The following IPO11 variants were observed in gnomAD, a reference collection of about 807,000 sequenced individuals.
IPO11 encodes the protein importin 11.
IPO11 carries 66 observed loss-of-function variants against 143.2 expected under a neutral mutation model. That is an observed-to-expected ratio of 0.46 (90% CI 0.38 to 0.57). The LOEUF (loss-of-function observed/expected upper bound fraction) is 0.57, where lower values mean the gene tolerates loss of function less well. Ranked by LOEUF, IPO11 falls within the 20% of genes least tolerant of loss-of-function variation. The pLI, the probability that IPO11 is intolerant of heterozygous loss-of-function variation, is 0.00. For synonymous variants in IPO11, 385 were observed against 377.8 expected, an observed-to-expected ratio of 1.02 and a Z score of -0.22; for missense variants, 1,026 against 1,141.0, an observed-to-expected ratio of 0.90 and a Z score of 1.45.
At chr5:62,511,025 C>T (rs1460293391) in intron 19 of IPO11, among the ~76,000 whole-genome samples, 6 of 152,088 alleles carry the variant, frequency 3.9e-5, no homozygotes, top group East Asian at 3.8e-4. Context: ...TGAACCACTG[C>T]GCCTGGCCTC....
chr5:62,546,238 C>G (rs559226255), intron 24 of IPO11, among the ~76,000 whole-genome samples: 137 of 152,202 alleles, frequency 9.0e-4, no homozygotes, highest in Non-Finnish European at 1.6e-3. Context: ...GAAAATGTGG[C>G]ACATATACAC....
chr5:62,501,743 T>C (rs1741354244), intron 16 of IPO11, among the ~76,000 whole-genome samples: 1 of 152,162 alleles, frequency 6.6e-6, no homozygotes, highest in Non-Finnish European at 1.5e-5. Context: ...TCTTAGAAAA[T>C]GCTTATTGAA....
At chr5:62,611,891 C>T (rs935811489) in intron 29 of IPO11, among the ~76,000 whole-genome samples, 8 of 151,980 alleles carry the variant, frequency 5.3e-5, no homozygotes, top group African/African-American at 1.9e-4. Flanking sequence ...ATATAAGGGA[C>T]TTGTCTTTCA....
intron 19 of IPO11, among the ~76,000 whole-genome samples, chr5:62,513,036 G>C (rs1327160199): frequency 1.3e-5 from 2 of 149,884 alleles, no homozygotes; most frequent in Non-Finnish European, 3.0e-5. Flanking sequence ...TCCCCACCTT[G>C]CCCCCTTTTC....
At chr5:62,545,750 T>G (rs1743149117) in intron 24 of IPO11, among the ~76,000 whole-genome samples, 1 of 151,790 alleles carries the variant, frequency 6.6e-6, no homozygotes, top group African/African-American at 2.4e-5. Context: ...CAAACAAATT[T>G]ACAAGAAAAA....
intron 27 of IPO11, among the ~76,000 whole-genome samples, chr5:62,565,043 G>A (rs1296706849): frequency 2.0e-5 from 3 of 152,100 alleles, no homozygotes; most frequent in Non-Finnish European, 4.4e-5. Context: ...CTACATAGAT[G>A]GAATTAGCTG....
At chr5:62,522,911 T>C (rs182229981) in intron 20 of IPO11, among the ~76,000 whole-genome samples, 4 of 152,342 alleles carry the variant, frequency 2.6e-5, no homozygotes, top group Admixed American at 1.3e-4. Flanking sequence ...AGTCCTCTTA[T>C]TATTAATACT....
In IPO11 at chr5:62,580,790, A is replaced by T. The variant is rs1255910997; in HGVS notation, c.2583-10787A>T. The stretch of plus-strand genomic sequence containing the variant: ...CCTCTGGAAAATACTGAGACTGAGA[A>T]CATTACTTTCTGGGAACGAATTCCT... On this transcript the variant is annotated intron_variant, in intron 27 of 29. Coordinates refer to ENST00000325324, the MANE Select transcript of IPO11 (RefSeq NM_016338.5). The T allele has an allele frequency of 3.9e-6, 6 of 1,551,454 alleles. No homozygotes were observed. Among genetic ancestry groups the T allele is most frequent in the Non-Finnish European group, 5.2e-6 (6 of 1,146,862 alleles).
At chr5:62,496,246 C>T (rs1291418241) in intron 16 of IPO11, among the ~76,000 whole-genome samples, 1 of 151,618 alleles carries the variant, frequency 6.6e-6, no homozygotes, top group East Asian at 1.9e-4. Flanking sequence ...CGAGATTGCC[C>T]CACTGCACTC....
intron 20 of IPO11, among the ~76,000 whole-genome samples, chr5:62,522,156 G>A (rs181183574): frequency 6.6e-6 from 1 of 152,260 alleles, no homozygotes; most frequent in Admixed American, 6.5e-5. Context: ...GAAGAAGAGT[G>A]TGATGAATCC....
At chr5:62,587,012 C>G (rs1744819691) in intron 27 of IPO11, among the ~76,000 whole-genome samples, 1 of 150,898 alleles carries the variant, frequency 6.6e-6, no homozygotes, top group African/African-American at 2.4e-5. Context: ...CTGTACCAGC[C>G]CTTAATCATC....
intron 1 of IPO11, among the ~76,000 whole-genome samples, chr5:62,436,446 A>G (rs1414227057): frequency 6.6e-6 from 1 of 152,202 alleles, no homozygotes; most frequent in African/African-American, 2.4e-5. Flanking sequence ...TTTTCTGTCA[A>G]TATTTTTAGC....
intron 24 of IPO11, among the ~76,000 whole-genome samples, chr5:62,545,818 A>G (rs1358355020): frequency 5.9e-5 from 9 of 152,370 alleles, no homozygotes; most frequent in Non-Finnish European, 1.3e-4. Flanking sequence ...AAAAGAAGAC[A>G]TTTATGCAGC....
rs529200826 is a variant in IPO11 at position 62,472,031 on chromosome 5, T to C, written c.708+1723T>C. ...TCCAGATACATTTCGATTGCCATGC[T>C]GCCAAAAAAGATTTTCGAGAAACCA... On this transcript the variant is annotated intron_variant, in intron 7 of 29. Coordinates refer to ENST00000325324, the MANE Select transcript of IPO11 (RefSeq NM_016338.5). 8.2e-4 allele frequency among the ~76,000 whole-genome samples: 125 copies of C among 152,350 alleles called. 2 individuals are homozygous for C. The highest frequency in any genetic ancestry group is 1.5e-3 in the Non-Finnish European group (105 of 68,020).
At chr5:62,522,418 G>A (rs935528121) in intron 20 of IPO11, among the ~76,000 whole-genome samples, 2 of 152,056 alleles carry the variant, frequency 1.3e-5, no homozygotes, top group Admixed American at 1.3e-4. Flanking sequence ...CCCAGTAGCT[G>A]GGACTACAGG....
chr5:62,451,581 G>A, intron 4 of IPO11, 149 bp from the exon 5 acceptor site: 1 of 676,520 alleles, frequency 1.5e-6, no homozygotes, highest in Non-Finnish European at 2.5e-6. Context: ...GGGGTCCATG[G>A]GCCACACTTT....
chr5:62,460,601 G>A (rs915594526), intron 5 of IPO11, among the ~76,000 whole-genome samples: 2 of 152,212 alleles, frequency 1.3e-5, no homozygotes, highest in Admixed American at 6.5e-5. Context: ...AAAATACTTA[G>A]TGTGTAATGG....
At chr5:62,460,957 T>C (rs1745339729) in intron 5 of IPO11, among the ~76,000 whole-genome samples, 1 of 152,216 alleles carries the variant, frequency 6.6e-6, no homozygotes. Context: ...CTTGTGAATA[T>C]ATTAGTTGGC....
intron 1 of IPO11, among the ~76,000 whole-genome samples, chr5:62,427,920 G>A (rs1318576515): frequency 6.6e-6 from 1 of 152,170 alleles, no homozygotes; most frequent in Non-Finnish European, 1.5e-5. Flanking sequence ...ATCTGTTTGA[G>A]GTATTAATAA....
Sources: gnomAD v4.1 joint callset for allele counts (sites outside exome capture counted in the v4.1 genomes callset) on GRCh38, gnomAD v4.1.1 for gene constraint, MANE v1.5 for transcripts, NCBI Gene and HGNC (gene_info 2026-07-23, HGNC 2026-07-21) for gene names.